The following DNAH10 variants were observed in gnomAD, a reference collection of about 807,000 sequenced individuals.
DNAH10 encodes the protein axonemal beta dynein heavy chain 10.
In DNAH10, 348 loss-of-function variants were observed where a neutral mutation model predicts 506.6. That is an observed-to-expected ratio of 0.69 (90% CI 0.63 to 0.75). The LOEUF (loss-of-function observed/expected upper bound fraction) is 0.75. Ranked by LOEUF, DNAH10 falls within the 30% of genes least tolerant of loss-of-function variation. The probability of loss-of-function intolerance (pLI) is 0.00; values close to 1 mark genes in which losing one functional copy is unlikely to be tolerated. For missense variants in DNAH10, 5,179 were observed against 5,787.1 expected, an observed-to-expected ratio of 0.89 and a Z score of 3.41; for synonymous variants, 2,059 against 2,198.6, an observed-to-expected ratio of 0.94 and a Z score of 1.78.
chr12:123,810,734 C>G (rs1167622745), intron 19 of DNAH10, among the ~76,000 whole-genome samples: 1 of 152,124 alleles, frequency 6.6e-6, no homozygotes, highest in Non-Finnish European at 1.5e-5. Flanking sequence ...GTTTTATAAT[C>G]CATGCTAAGA....
At chr12:123,811,437 C>T (rs1375668550) in intron 19 of DNAH10, among the ~76,000 whole-genome samples, 1 of 152,062 alleles carries the variant, frequency 6.6e-6, no homozygotes, top group Non-Finnish European at 1.5e-5. Flanking sequence ...ATTCTCCTGC[C>T]TCAGCCTCCC....
At chr12:123,809,083 G>C (rs1446986346) in intron 19 of DNAH10, 130 bp downstream of exon 19, 1 of 1,115,278 alleles carries the variant, frequency 9.0e-7, no homozygotes, top group Non-Finnish European at 1.3e-6. Context: ...TTGTGACTCA[G>C]TCATCCCCCA....
intron 21 of DNAH10, among the ~76,000 whole-genome samples, chr12:123,817,301 AT>A (rs916876382): frequency 2.0e-5 from 3 of 149,228 alleles, no homozygotes; most frequent in Non-Finnish European, 3.0e-5. Context: ...TTTTTGCCTT[AT>A]TTTTTTTCCC....
In DNAH10 at chr12:123,767,606, A is replaced by T. The variant is rs767159474; in HGVS notation, c.215A>T (p.Asp72Val). 6.2e-7 allele frequency: 1 copy of T among 1,611,746 alleles called. No individual in the cohort carries two copies. The highest frequency in any genetic ancestry group is 8.5e-7 in the Non-Finnish European group (1 of 1,178,746). Residue 72 changes from aspartate (D) to valine (V), a missense_variant and splice_region_variant, in exon 2 of 79, where the codon GAT becomes GTT. By Grantham distance (152) the Asp-to-Val change is radical. Transcript: ENST00000673944. The stretch of plus-strand genomic sequence containing the variant: ...TCTTCCCATTTATGTGGCCATAAAG[A>T]TGAGATACCTGTCCTGTCTGAAGAG... ...MVPEEVEVEI[D>V]EIPVLSEEGE...
Position 123,932,040 on chromosome 12 carries a change from G to A in DNAH10, c.13228G>A (p.Asp4410Asn). 1 of 1,613,998 alleles carries A rather than the reference G, an allele frequency of 6.2e-7. No individual in the cohort carries two copies. The highest frequency in any genetic ancestry group is 8.5e-7 in the Non-Finnish European group (1 of 1,179,900). The change falls in exon 76 of 79, where the codon GAC becomes AAC. Residue 4410 changes from aspartate to asparagine, a missense_variant. Physicochemically the swap from Asp to Asn is conservative, Grantham distance 23. Around this residue, in one of 3 missense-constraint regions of DNAH10, gnomAD observed 4,844 missense variants for 5,430.5 expected, o/e 0.89. Transcript: ENST00000673944. ...IPNIWRRLAP[D>N]TLKSLGNWMV... ...TAATATCTGGAGAAGGCTTGCTCCT[G>A]ACACCTTAAAGTCCCTTGGAAACTG... is the stretch of plus-strand genomic sequence containing the variant.
intron 25 of DNAH10, among the ~76,000 whole-genome samples, chr12:123,829,532 A>G (rs548588504): frequency 6.6e-6 from 1 of 152,302 alleles, no homozygotes; most frequent in South Asian, 2.1e-4. Context: ...CTTCAGCTTC[A>G]TGGGAAAAGG....
rs922232868 is a variant in DNAH10 at position 123,924,167 on chromosome 12, G to A, written c.11612-111G>A. On this transcript the variant is annotated intron_variant, in intron 66 of 78. Coordinates refer to ENST00000673944, the MANE Select transcript of DNAH10 (RefSeq NM_001372106.1). ...AAGCCTGGGCCACTTCCTGTTTCCA[G>A]TCTCCTTCTTGAAAAGTGGACTTTT... is the stretch of plus-strand genomic sequence containing the variant. 1.6e-5 allele frequency: 22 copies of A among 1,395,494 alleles called. No homozygotes were observed. The Admixed American group carries it at 3.8e-4, about 24-fold the overall frequency. The allele number at this position is 1,395,494 out of a possible 1,614,324, so 86.4% of individuals were successfully genotyped here.
At chr12:123,912,426 T>G (rs1222763034) in intron 59 of DNAH10, among the ~76,000 whole-genome samples, 1 of 50,508 alleles carries the variant, frequency 2.0e-5, no homozygotes, top group Non-Finnish European at 3.4e-5. Flanking sequence ...GGGGGGGTCT[T>G]TCCCGCAGGG....
intron 24 of DNAH10, 119 bp from the exon 25 acceptor site, chr12:123,826,567 TG>T (rs2136460849): frequency 1.3e-6 from 1 of 796,096 alleles, no homozygotes; most frequent in Non-Finnish European, 1.9e-6. Context: ...TTCAGGTAGT[TG>T]TAGATAGATG....
chr12:123,914,629 G>A, intron 61 of DNAH10, 79 bp downstream of exon 61: 2 of 1,487,798 alleles, frequency 1.3e-6, no homozygotes, highest in Non-Finnish European at 1.8e-6. Flanking sequence ...CCTGGGGGGA[G>A]GCAATGGCCT....
intron 5 of DNAH10, among the ~76,000 whole-genome samples, chr12:123,779,878 A>C (rs1250476624): frequency 6.6e-6 from 1 of 152,104 alleles, no homozygotes; most frequent in East Asian, 1.9e-4. Context: ...TATAGACAAA[A>C]CTAAAAAACA....
intron 36 of DNAH10, among the ~76,000 whole-genome samples, chr12:123,856,342 A>G (rs1180851304): frequency 1.3e-5 from 2 of 149,704 alleles, no homozygotes; most frequent in Non-Finnish European, 3.0e-5. Flanking sequence ...CTATCTATCT[A>G]TCTATCTTTT....
At chr12:123,818,604 G>A (rs1436612232) in intron 21 of DNAH10, among the ~76,000 whole-genome samples, 5 of 152,250 alleles carry the variant, frequency 3.3e-5, no homozygotes, top group South Asian at 4.1e-4. Flanking sequence ...GATTATAGGC[G>A]TGAGCCACTG....
intron 57 of DNAH10, among the ~76,000 whole-genome samples, chr12:123,904,446 T>C (rs913512802): frequency 1.3e-5 from 2 of 151,962 alleles, no homozygotes; most frequent in African/African-American, 4.8e-5. Flanking sequence ...AAGCAGAGAC[T>C]AGGAAGGATT....
intron 5 of DNAH10, 136 bp from the exon 6 acceptor site, chr12:123,780,942 CAA>C (rs376709809): frequency 0.026 from 8,480 of 328,532 alleles, no homozygotes; most frequent in South Asian, 0.038. Flanking sequence ...GACTCTGTCT[CAA>C]AAAAAAAAAA....
At chr12:123,799,202 T>TCGTCG in intron 13 of DNAH10, 44 bp from the exon 14 acceptor site, 1 of 1,562,398 alleles carries the variant, frequency 6.4e-7, no homozygotes, top group Non-Finnish European at 8.7e-7. Context: ...ATGAAAAATG[T>TCGTCG]TATTTTCAAG....
intron 9 of DNAH10, among the ~76,000 whole-genome samples, chr12:123,786,799 A>ATT (rs1159336161): frequency 6.6e-6 from 1 of 151,474 alleles, no homozygotes; most frequent in Non-Finnish European, 1.5e-5. Context: ...ATGATGGAGG[A>ATT]TGCTAAGGGA....
At chr12:123,824,683 G>A (rs899596049) in intron 24 of DNAH10, among the ~76,000 whole-genome samples, 2 of 152,136 alleles carry the variant, frequency 1.3e-5, no homozygotes, top group Non-Finnish European at 2.9e-5. Flanking sequence ...CCAGCTCCTG[G>A]TGGCTTTTGA....
chr12:123,787,702 C>T lies in DNAH10; in HGVS notation c.1422-102C>T. 1 of 1,415,160 alleles carries T rather than the reference C, an allele frequency of 7.1e-7. No individual in the cohort carries two copies. The highest frequency in any genetic ancestry group is 9.7e-7 in the Non-Finnish European group (1 of 1,035,264). 87.7% of individuals were successfully genotyped at this position (1,415,160 alleles called of 1,614,324 possible). ...TGAGGCCGTGAAACCAGGGGGGGCG[C>T]CCGGGTCAGAGCTTCACGGGACACT... is the stretch of plus-strand genomic sequence containing the variant. On this transcript the variant is annotated intron_variant, in intron 9 of 78. Transcript: ENST00000673944. The surrounding 1 kb of genome is among the most constrained non-coding windows in gnomAD (Gnocchi z 4.6).
Sources: gnomAD v4.1 joint callset for allele counts (sites outside exome capture counted in the v4.1 genomes callset) on GRCh38, gnomAD v4.1.1 for gene constraint, gnomAD v4.1.1 regional missense constraint, Gnocchi (gnomAD v3.1) non-coding constraint, MANE v1.5 for transcripts, NCBI Gene and HGNC (gene_info 2026-07-23, HGNC 2026-07-21) for gene names.